Variants in GULP1 observed in about 807,000 individuals in gnomAD.
The protein encoded by GULP1 is PTB domain-containing engulfment adapter protein 1.
GULP1 carries 19 observed loss-of-function variants against 40.9 expected under a neutral mutation model. That is an observed-to-expected ratio of 0.46 (90% CI 0.32 to 0.68). The LOEUF (loss-of-function observed/expected upper bound fraction) is 0.68. GULP1 is among the 30% of genes least tolerant of loss of function. GULP1 has a pLI of 0.03. For synonymous variants in GULP1, 119 were observed against 117.6 expected, an observed-to-expected ratio of 1.01 and a Z score of -0.08; for missense variants, 312 against 362.2, an observed-to-expected ratio of 0.86 and a Z score of 1.12.
intron 2 of GULP1, among the ~76,000 whole-genome samples, chr2:188,472,339 T>C (rs1245678606): frequency 1.3e-5 from 2 of 152,172 alleles, no homozygotes; most frequent in African/African-American, 4.8e-5. Flanking sequence ...AGTTTTCTGA[T>C]ATTATCCTTT....
Position 188,374,759 on chromosome 2 carries a change from A to G in GULP1, c.-171-9004A>G, listed in dbSNP as rs951497754. 3.5e-5 allele frequency among the ~76,000 whole-genome samples: 5 copies of G among 143,062 alleles called. No individual in the cohort carries two copies. The East Asian group carries it at 6.4e-4, about 18-fold the overall frequency. The allele number at this position is 143,062 out of a possible 152,430, so 93.9% of individuals were successfully genotyped here. The stretch of plus-strand genomic sequence containing the variant: ...CCAAACATAACTACCAGGAAAGAGG[A>G]AAAAAAAAAAAAGTCTGCAAAGGAA... On this transcript the variant is annotated intron_variant, in intron 1 of 11. Transcript: ENST00000409830.
At chr2:188,549,495 G>A (rs1414552830) in intron 7 of GULP1, among the ~76,000 whole-genome samples, 1 of 151,734 alleles carries the variant, frequency 6.6e-6, no homozygotes, top group Non-Finnish European at 1.5e-5. Flanking sequence ...ATCACCAAAT[G>A]CTGGTAAGAA....
chr2:188,439,106 C>T (rs2057697690), intron 2 of GULP1, among the ~76,000 whole-genome samples: 1 of 151,924 alleles, frequency 6.6e-6, no homozygotes, highest in Non-Finnish European at 1.5e-5. Flanking sequence ...CATATTTCTA[C>T]CAACTATTGT....
At chr2:188,397,735 G>A (rs778002627) in intron 2 of GULP1, among the ~76,000 whole-genome samples, 2 of 152,198 alleles carry the variant, frequency 1.3e-5, no homozygotes, top group Non-Finnish European at 2.9e-5. Context: ...GGCTACAACT[G>A]CAGTCATTCA....
Position 188,529,158 on chromosome 2 carries a change from C to A in GULP1, c.224C>A (p.Ser75Ter). Residue 75 changes from serine (S) to a stop codon, truncating the protein, a stop_gained, in exon 6 of 12, where the codon TCA (serine) becomes TAA (stop). Transcript: ENST00000409830. LOFTEE classifies it high-confidence loss of function. ...QKIPKVELQISIYGVKILEPK... is the reference protein window; with the variant it reads ...QKIPKVELQI ...ATTCCTAAAGTGGAGTTGCAAATAT[C>A]AATTTATGGAGTAAAAATTCTAGAA... is the stretch of plus-strand genomic sequence containing the variant. The A allele has an allele frequency of 6.3e-7, 1 of 1,581,438 alleles. No individual in the cohort carries two copies. Among genetic ancestry groups the A allele is most frequent in the Non-Finnish European group, 8.6e-7 (1 of 1,156,936 alleles).
chr2:188,373,390 T>G (rs1463543412), intron 1 of GULP1, among the ~76,000 whole-genome samples: 2 of 152,118 alleles, frequency 1.3e-5, no homozygotes, highest in Middle Eastern at 3.4e-3. Flanking sequence ...ATTTTGGTTC[T>G]TTATGATATT....
At chr2:188,364,313 T>C (rs1193329432) in intron 1 of GULP1, among the ~76,000 whole-genome samples, 1 of 152,160 alleles carries the variant, frequency 6.6e-6, no homozygotes, top group Non-Finnish European at 1.5e-5. Flanking sequence ...GGTTACTTAA[T>C]AGGTGAAAGG....
chr2:188,314,848 T>C (rs1053590755), intron 1 of GULP1, among the ~76,000 whole-genome samples: 6 of 152,164 alleles, frequency 3.9e-5, no homozygotes, highest in African/African-American at 1.4e-4. Flanking sequence ...CACTATCCCC[T>C]ACTTTTGAAT....
intron 1 of GULP1, among the ~76,000 whole-genome samples, chr2:188,381,125 A>C (rs1311858118): frequency 1.3e-5 from 2 of 152,114 alleles, no homozygotes; most frequent in Non-Finnish European, 2.9e-5. Flanking sequence ...AGCAGCCCCT[A>C]AGCCAGTCTG....
intron 10 of GULP1, among the ~76,000 whole-genome samples, 159 bp downstream of exon 10, chr2:188,584,562 A>G (rs2153462226): frequency 6.6e-6 from 1 of 152,002 alleles, no homozygotes; most frequent in Admixed American, 6.5e-5. Context: ...CATTAATTCT[A>G]TTTTACTTTA....
intron 2 of GULP1, among the ~76,000 whole-genome samples, chr2:188,385,862 C>T (rs1285731962): frequency 6.6e-6 from 1 of 152,142 alleles, no homozygotes; most frequent in Non-Finnish European, 1.5e-5. Context: ...CCACCTCAGC[C>T]TGGATGTCAT....
Position 188,368,647 on chromosome 2 carries a change from T to C in GULP1, c.-171-15116T>C, listed in dbSNP as rs371603079. Among the ~76,000 whole-genome samples the C allele has an allele frequency of 2.2e-4, 34 of 151,872 alleles. No individual in the cohort carries two copies. The East Asian group carries it at 2.5e-3, about 11-fold the overall frequency. ...TTTAGTTAAAAAAATGTTTTCAGTATAACAAAGAAAATACAGAAGCCAAAG... is the reference window on the plus strand; with the variant it reads ...TTTAGTTAAAAAAATGTTTTCAGTACAACAAAGAAAATACAGAAGCCAAAG... On this transcript the variant is annotated intron_variant, in intron 1 of 11. Transcript: ENST00000409830.
At chr2:188,428,683 A>C (rs997910278) in intron 2 of GULP1, among the ~76,000 whole-genome samples, 1 of 152,124 alleles carries the variant, frequency 6.6e-6, no homozygotes, top group African/African-American at 2.4e-5. Flanking sequence ...CCTGAAGCCA[A>C]GCAGATGCTG....
At chr2:188,308,583 T>C (rs2037531634) in intron 1 of GULP1, among the ~76,000 whole-genome samples, 1 of 152,174 alleles carries the variant, frequency 6.6e-6, no homozygotes, top group Non-Finnish European at 1.5e-5. Context: ...AGTTCTGAAC[T>C]TCTGCAAGTT....
At chr2:188,453,936 T>C (rs1341576609) in intron 2 of GULP1, among the ~76,000 whole-genome samples, 3 of 152,206 alleles carry the variant, frequency 2.0e-5, no homozygotes, top group Admixed American at 6.5e-5. Flanking sequence ...TCCACTGCAC[T>C]CTTGGCTCCC....
intron 9 of GULP1, among the ~76,000 whole-genome samples, chr2:188,581,428 TCTTGCTTA>T (rs1324969103): frequency 6.6e-6 from 1 of 152,226 alleles, no homozygotes; most frequent in African/African-American, 2.4e-5. Context: ...CTCTCTGGCC[TCTTGCTTA>T]TACTATAGCA....
At chr2:188,396,846 C>T (rs1444951988) in intron 2 of GULP1, among the ~76,000 whole-genome samples, 1 of 152,192 alleles carries the variant, frequency 6.6e-6, no homozygotes, top group African/African-American at 2.4e-5. Flanking sequence ...GAATGGTTTC[C>T]CTCCATCCGT....
At chr2:188,534,282 T>C (rs988741239) in intron 6 of GULP1, among the ~76,000 whole-genome samples, 4 of 147,524 alleles carry the variant, frequency 2.7e-5, no homozygotes, top group Non-Finnish European at 4.4e-5. Context: ...GTGGTACACA[T>C]ACATCATTGG....
chr2:188,330,436 T>C (rs2041406812), intron 1 of GULP1, among the ~76,000 whole-genome samples: 1 of 152,176 alleles, frequency 6.6e-6, no homozygotes, highest in Admixed American at 6.5e-5. Flanking sequence ...CTGATTTTCC[T>C]GCCAAACAGA....
Sources: allele counts gnomAD v4.1 joint callset (sites outside exome capture counted in the v4.1 genomes callset), GRCh38; gene constraint gnomAD v4.1.1; transcripts MANE v1.5; gene names NCBI Gene and HGNC (gene_info 2026-07-23, HGNC 2026-07-21).